Variants in ITPA observed in about 807,000 individuals in gnomAD.
The protein encoded by ITPA is inosine triphosphate pyrophosphatase.
ITPA carries 29 observed loss-of-function variants against 29.6 expected under a neutral mutation model. The observed-to-expected ratio is 0.98, with a 90% CI of 0.73 to 1.34. The LOEUF (loss-of-function observed/expected upper bound fraction) is 1.34, where lower values mean the gene tolerates loss of function less well. ITPA is among the 40% of genes most tolerant of loss of function. The pLI is 0.00. For missense variants in ITPA, 241 were observed against 251.5 expected (o/e 0.96, Z 0.28); for synonymous variants, 103 against 99.3 (o/e 1.04, Z -0.22).
chr20:3,204,219 G>A (rs1600479631), upstream of ITPA, among the ~76,000 whole-genome samples: 1 of 152,362 alleles, frequency 6.6e-6, no homozygotes, highest in East Asian at 1.9e-4. Context: ...GGTGCAGAGG[G>A]AAAGGGCCCC....
Position 3,223,713 on chromosome 20 carries a change from A to C in ITPA, c.*251A>C. 2 of 564,286 alleles carry C rather than the reference A, an allele frequency of 3.5e-6. No individual in the cohort carries two copies. The highest frequency in any genetic ancestry group is 3.2e-6 in the Non-Finnish European group (1 of 313,976). 35.0% of individuals were successfully genotyped at this position (564,286 alleles called of 1,614,324 possible). A position where few individuals can be genotyped will look rare whatever the true frequency, so the allele number is the denominator to read the frequency against. ...ACAGCCGCCAGGCCTGGGGTCCTGA[A>C]AGGACCTTGGGTGGTAAAGCTGTAC... On this transcript the variant is annotated 3_prime_UTR_variant, in exon 8 of 8. Transcript: ENST00000380113.
At chr20:3,208,187 T>TG (rs140069123), upstream of ITPA, among the ~76,000 whole-genome samples, 7,966 of 151,874 alleles carry the variant, frequency 0.052, 539 homozygotes, top group African/African-American at 0.15. Flanking sequence ...CTGGCTAAGA[T>TG]CCAAGAAAGG....
Position 3,223,385 on chromosome 20 carries a change from G to A in ITPA, c.508G>A (p.Ala170Thr), listed in dbSNP as rs199706843. The A allele has an allele frequency of 9.0e-5, 145 of 1,613,850 alleles. No homozygotes were observed. In the East Asian group the frequency reaches 3.2e-3, roughly 35 times the overall value. The change falls in exon 8 of 8, where the codon GCG becomes ACG. Residue 170 changes from alanine to threonine, a missense_variant. By Grantham distance (58) the Ala-to-Thr change is moderately conservative (BLOSUM62 0). Coordinates refer to ENST00000380113, the MANE Select transcript of ITPA (RefSeq NM_033453.4). ...YEQTYAEMPK[A>T]EKNAVSHRFR... ...CCTCAGGTACGCAGAGATGCCTAAG[G>A]CGGAGAAGAACGCTGTCTCCCATCG...
Position 3,218,615 on chromosome 20 carries a change from T to C in ITPA, c.394T>C (p.Phe132Leu). The change falls in exon 6 of 8, where the codon TTC (phenylalanine) becomes CTC (leucine). Residue 132 changes from phenylalanine to leucine, a missense_variant. Coordinates refer to ENST00000380113, the MANE Select transcript of ITPA (RefSeq NM_033453.4). ...TGDPSQPVRL[F>L]RGRTSGRIVA... ...GGACCCAAGCCAGCCCGTGCGCCTG[T>C]TCAGGGGCCGGACCTCGGTGCGTAC... is the stretch of plus-strand genomic sequence containing the variant. The C allele has an allele frequency of 6.2e-7, 1 of 1,612,904 alleles. No homozygotes were observed. The highest frequency in any genetic ancestry group is 8.5e-7 in the Non-Finnish European group (1 of 1,179,186).
intron 5 of ITPA, among the ~76,000 whole-genome samples, chr20:3,217,424 CATCAT>C (rs2067332945): frequency 2.0e-5 from 3 of 152,208 alleles, no homozygotes; most frequent in South Asian, 4.2e-4. Flanking sequence ...AAATCACAGA[CATCAT>C]ATCATCAGTA....
chr20:3,212,909 T>C (rs749042152), intron 1 of ITPA, among the ~76,000 whole-genome samples: 2 of 151,852 alleles, frequency 1.3e-5, no homozygotes, highest in Non-Finnish European at 2.9e-5. Flanking sequence ...CTGGGAGCAT[T>C]GAGAAGAGAA....
At chr20:3,224,866 C>A (rs1225669020), downstream of ITPA, among the ~76,000 whole-genome samples, 1 of 152,148 alleles carries the variant, frequency 6.6e-6, no homozygotes, top group Non-Finnish European at 1.5e-5. Flanking sequence ...GCACACAACA[C>A]TTTCTGGCCA....
chr20:3,216,344 G>A (rs1186272818), intron 5 of ITPA, among the ~76,000 whole-genome samples: 5 of 150,302 alleles, frequency 3.3e-5, no homozygotes. Flanking sequence ...ATTTTTAGTA[G>A]CGTTGGGATT....
chr20:3,227,141 AGCGCCTC>A (rs2067563551), downstream of ITPA, among the ~76,000 whole-genome samples: 3 of 152,318 alleles, frequency 2.0e-5, 1 homozygote, highest in South Asian at 6.2e-4. Flanking sequence ...CACCAGCCAC[AGCGCCTC>A]AGTGGCCCCA....
chr20:3,214,712 T>C (rs948457040), intron 4 of ITPA, among the ~76,000 whole-genome samples: 2 of 152,070 alleles, frequency 1.3e-5, no homozygotes, highest in African/African-American at 4.8e-5. Context: ...CCCGAGTAGC[T>C]GGGACTACAG....
At chr20:3,223,864 T>G, downstream of ITPA, 1 of 165,302 alleles carries the variant, frequency 6.0e-6, no homozygotes. Context: ...TTTTGAACCC[T>G]GCCCCAGGCA....
At chr20:3,209,340 C>T (rs2067117150), upstream of ITPA, 5 of 646,080 alleles carry the variant, frequency 7.7e-6, no homozygotes, top group South Asian at 6.7e-5. The surrounding 1 kb of genome is among the most constrained non-coding windows in gnomAD (Gnocchi z 4.6). Context: ...CACTCAGTCT[C>T]CAGGCTCGGG....
intron 3 of ITPA, 145 bp from the exon 4 acceptor site, chr20:3,213,840 G>T: frequency 1.2e-6 from 1 of 835,250 alleles, no homozygotes; most frequent in South Asian, 1.3e-5. Context: ...TTAAGAGATT[G>T]GCCGAGGGCA....
chr20:3,204,742 A>C (rs952633737), upstream of ITPA: 8 of 1,027,566 alleles, frequency 7.8e-6, no homozygotes, highest in South Asian at 1.5e-5. Flanking sequence ...GCCCAGCGGC[A>C]CATCACAGAG....
intron 6 of ITPA, 64 bp from the exon 7 acceptor site, chr20:3,221,777 A>G (rs2067469519): frequency 3.4e-6 from 5 of 1,462,092 alleles, no homozygotes; most frequent in South Asian, 3.4e-5. Flanking sequence ...CATACTGGCC[A>G]CTGCCCTCCT....
chr20:3,218,557 C>T lies in ITPA; in HGVS notation c.336C>T (p.Ala112=). 1 of 1,614,010 alleles carries T rather than the reference C, an allele frequency of 6.2e-7. No homozygotes were observed. Among genetic ancestry groups the T allele is most frequent in the Non-Finnish European group, 8.5e-7 (1 of 1,180,032 alleles). ...TGGCCGGGTTCGAGGACAAGTCAGC[C>T]TATGCGCTCTGCACGTTTGCACTCA... The part of the protein sequence containing the change: ...QLLAGFEDKS[A]YALCTFALST... The change falls in exon 6 of 8, where the codon GCC becomes GCT. Residue 112 remains alanine (A), a synonymous_variant. Transcript: ENST00000380113.
chr20:3,215,498 G>C (rs2067273649), intron 5 of ITPA, among the ~76,000 whole-genome samples, 186 bp downstream of exon 5: 1 of 152,178 alleles, frequency 6.6e-6, no homozygotes, highest in African/African-American at 2.4e-5. Flanking sequence ...CTGTGTGGGG[G>C]AGGGATGATG....
rs1210219494 is a variant in ITPA at position 3,213,235 on chromosome 20, C to A, written c.124+9C>A. ...GGCACAGAAAATTGACCGTATGTCT[C>A]TGTTTTGTTTTATTTTTAAAAGATG... On this transcript the variant is annotated intron_variant, in intron 2 of 7. Coordinates refer to ENST00000380113, the MANE Select transcript of ITPA (RefSeq NM_033453.4). 1 of 1,614,038 alleles carries A rather than the reference C, an allele frequency of 6.2e-7. No homozygotes were observed. The highest frequency in any genetic ancestry group is 8.5e-7 in the Non-Finnish European group (1 of 1,180,036).
At chr20:3,223,239 G>A (rs1248911087) in intron 7 of ITPA, 127 bp from the exon 8 acceptor site, 2 of 730,422 alleles carry the variant, frequency 2.7e-6, no homozygotes, top group African/African-American at 3.5e-5. Context: ...AGGAGCTGCT[G>A]GGCCCCACTC....
Sources: gnomAD v4.1 joint callset for allele counts (sites outside exome capture counted in the v4.1 genomes callset) on GRCh38, gnomAD v4.1.1 for gene constraint, Gnocchi (gnomAD v3.1) non-coding constraint, MANE v1.5 for transcripts, NCBI Gene and HGNC (gene_info 2026-07-23, HGNC 2026-07-21) for gene names.